SCUBE1: variants seen among roughly 807,000 people sequenced by gnomAD.
The protein encoded by SCUBE1 is signal peptide, CUB and EGF-like domain-containing protein 1.
Under a neutral mutation model 124.4 loss-of-function variants are expected in SCUBE1, and 59 were observed. The observed-to-expected ratio is 0.47, with a 90% CI of 0.38 to 0.59. SCUBE1 has a LOEUF of 0.59. Ranked by LOEUF, SCUBE1 falls within the 20% of genes least tolerant of loss-of-function variation. SCUBE1 has a pLI of 0.00. For missense variants in SCUBE1, 1,150 were observed against 1,371.2 expected (o/e 0.84, Z 2.55); for synonymous variants, 545 against 550.9 (o/e 0.99, Z 0.15).
chr22:43,317,023 A>T (rs774359506), intron 3 of SCUBE1: 2 of 152,210 alleles, frequency 1.3e-5, no homozygotes, highest in African/African-American at 2.4e-5. Flanking sequence ...ACCAGCTGGC[A>T]CAACAGAAGC....
chr22:43,307,508 A>C (rs1926014241), intron 3 of SCUBE1, among the ~76,000 whole-genome samples: 1 of 152,204 alleles, frequency 6.6e-6, no homozygotes, highest in African/African-American at 2.4e-5. Flanking sequence ...CACGGAAAAG[A>C]GCTGAGCTGC....
intron 6 of SCUBE1, among the ~76,000 whole-genome samples, chr22:43,250,672 G>A (rs571410002): frequency 7.4e-6 from 1 of 134,466 alleles, no homozygotes; most frequent in Non-Finnish European, 1.7e-5. Context: ...CTGCTCTCAG[G>A]GTGGCTGTGA....
chr22:43,217,392 G>A (rs2146663500), intron 15 of SCUBE1, among the ~76,000 whole-genome samples: 1 of 147,914 alleles, frequency 6.8e-6, no homozygotes, highest in East Asian at 2.0e-4. Context: ...TTGGGGATTT[G>A]GCCGGCGTCA....
At chr22:43,308,511 A>G (rs1324605967) in intron 3 of SCUBE1, among the ~76,000 whole-genome samples, 2 of 152,224 alleles carry the variant, frequency 1.3e-5, no homozygotes, top group African/African-American at 4.8e-5. Context: ...GTTGAAGTAT[A>G]AAGACAAATA....
At chr22:43,250,593 G>A (rs1331815348) in intron 6 of SCUBE1, among the ~76,000 whole-genome samples, 1 of 152,230 alleles carries the variant, frequency 6.6e-6, no homozygotes, top group African/African-American at 2.4e-5. Context: ...AGCAGCCTCA[G>A]GGGTGCGGGG....
chr22:43,279,731 C>T (rs988291234), intron 4 of SCUBE1, among the ~76,000 whole-genome samples: 38 of 152,222 alleles, frequency 2.5e-4, no homozygotes, highest in Non-Finnish European at 4.4e-5. Context: ...CAGCCCTCCA[C>T]GCACTGTCTG....
At position 43,200,783 on chromosome 22, in the gene SCUBE1, G is replaced by A. The variant is rs1447284882; in HGVS notation, c.*3214C>T. 2 of 152,310 alleles carry A rather than the reference G, an allele frequency of 1.3e-5. No homozygotes were observed. Among genetic ancestry groups the A allele is most frequent in the African/African-American group, 2.4e-5 (1 of 41,470 alleles). The allele number at this position is 152,310 out of a possible 1,614,324, so 9.4% of individuals were successfully genotyped here. On this transcript the variant is annotated 3_prime_UTR_variant, in exon 22 of 22. Coordinates refer to ENST00000360835, the MANE Select transcript of SCUBE1 (RefSeq NM_173050.5). ...TGGGAGCTATAGAAGGGCTTGCGAGGGAAAGCAGGATGAAGGCTGGGCCTC... is the reference window on the plus strand; with the variant it reads ...TGGGAGCTATAGAAGGGCTTGCGAGAGAAAGCAGGATGAAGGCTGGGCCTC...
rs1178024633 is a variant in SCUBE1 at position 43,198,909 on chromosome 22, GT to G, written c.*5087del. 2.1e-5 allele frequency: 8 copies of G among 375,238 alleles called. No individual in the cohort carries two copies. The highest frequency in any genetic ancestry group is 1.7e-4 in the African/African-American group (8 of 47,258). The allele number at this position is 375,238 out of a possible 1,614,324, so 23.2% of individuals were successfully genotyped here. A position where few individuals can be genotyped will look rare whatever the true frequency, so the allele number is the denominator to read the frequency against. ...TGCTGTCTGCTTTCCGGGGCAGTTT[GT>G]CTGTCTGCTGTCTGGGGCAGTTTGT... is the stretch of plus-strand genomic sequence containing the variant. On this transcript the variant is annotated 3_prime_UTR_variant, in exon 22 of 22. Transcript: ENST00000360835.
intron 2 of SCUBE1, among the ~76,000 whole-genome samples, chr22:43,321,776 C>T (rs1926563595): frequency 6.6e-6 from 1 of 152,182 alleles, no homozygotes. Flanking sequence ...CAGGGCCTCA[C>T]TATGTTGCCA....
intron 4 of SCUBE1, among the ~76,000 whole-genome samples, chr22:43,279,516 A>G (rs1000724778): frequency 2.0e-5 from 3 of 152,268 alleles, no homozygotes; most frequent in African/African-American, 7.2e-5. Context: ...CCCTCACCAG[A>G]CAGTGAATCT....
chr22:43,275,102 G>A (rs1251339612), intron 4 of SCUBE1, among the ~76,000 whole-genome samples: 1 of 152,236 alleles, frequency 6.6e-6, no homozygotes, highest in Non-Finnish European at 1.5e-5. Context: ...GGCGAGGCTG[G>A]GCAGCGGGAG....
intron 16 of SCUBE1, 43 bp downstream of exon 16, chr22:43,214,047 G>GGGGCCCCCCCCC: frequency 1.4e-5 from 2 of 143,438 alleles, no homozygotes; most frequent in African/African-American, 5.5e-5. Flanking sequence ...AGGAGCCCCC[G>GGGGCCCCCCCCC]CCCACCCCCC....
chr22:43,211,368 G>A lies in SCUBE1; in HGVS notation c.2222-285C>T, dbSNP rs1053389949. 5.9e-5 allele frequency among the ~76,000 whole-genome samples: 9 copies of A among 152,226 alleles called. No homozygotes were observed. Among genetic ancestry groups the A allele is most frequent in the Middle Eastern group, 6.8e-3 (2 of 294 alleles). ...AGCCATTTTCAGGGAGAGCGGGGGC[G>A]ATGATGTGGCCGGAGGCGTGCGGGG... On this transcript the variant is annotated intron_variant, in intron 17 of 21. Coordinates refer to ENST00000360835, the MANE Select transcript of SCUBE1 (RefSeq NM_173050.5). This position sits in a 1 kb window ranked among gnomAD's most constrained non-coding sequence, Gnocchi z 4.5.
chr22:43,268,191 G>C lies in SCUBE1; in HGVS notation c.485-5346C>G, dbSNP rs544537786. ...CCCAACCCCAAGCCCCAGGCCCAGA[G>C]CAGGCTTCTGTGAGCCTGAGGGACG... is the stretch of plus-strand genomic sequence containing the variant. On this transcript the variant is annotated intron_variant, in intron 4 of 21. Coordinates refer to ENST00000360835, the MANE Select transcript of SCUBE1 (RefSeq NM_173050.5). Among the ~76,000 whole-genome samples, 8 of 152,372 alleles carry C rather than the reference G, an allele frequency of 5.3e-5. No homozygotes were observed. In the South Asian group the frequency reaches 8.3e-4, roughly 16 times the overall value.
intron 14 of SCUBE1, 77 bp downstream of exon 14, chr22:43,220,373 G>A: frequency 1.3e-6 from 2 of 1,513,138 alleles, no homozygotes; most frequent in Non-Finnish European, 1.8e-6. Flanking sequence ...TTCATGCCTG[G>A]CAGGCCCCCG....
rs201461416 is a variant in SCUBE1 at position 43,286,398 on chromosome 22, C to T, written c.484+4648G>A. On this transcript the variant is annotated intron_variant, in intron 4 of 21. Transcript: ENST00000360835. ...CGTTTCCTCTCACTTTGGTGCCTTCCACCAAGGCTGAGGCCAGCCCACAGG... is the reference window on the plus strand; with the variant it reads ...CGTTTCCTCTCACTTTGGTGCCTTCTACCAAGGCTGAGGCCAGCCCACAGG... Among the ~76,000 whole-genome samples the T allele has an allele frequency of 7.2e-5, 11 of 152,350 alleles. No individual in the cohort carries two copies. In the East Asian group the frequency reaches 1.9e-3, roughly 27 times the overall value.
At chr22:43,276,373 G>C (rs1354541267) in intron 4 of SCUBE1, among the ~76,000 whole-genome samples, 2 of 152,200 alleles carry the variant, frequency 1.3e-5, no homozygotes, top group African/African-American at 4.8e-5. Flanking sequence ...TGCTGAAAGA[G>C]TCTGGTGACA....
In SCUBE1 at chr22:43,210,373, G is replaced by A. The variant is rs1420848914; in HGVS notation, c.2384-133C>T. On this transcript the variant is annotated intron_variant, in intron 18 of 21. Coordinates refer to ENST00000360835, the MANE Select transcript of SCUBE1 (RefSeq NM_173050.5). This position sits in a 1 kb window ranked among gnomAD's most constrained non-coding sequence, Gnocchi z 4.5. The stretch of plus-strand genomic sequence containing the variant: ...CTTGTCCCCCCCCACACTAGCCCTC[G>A]GACCCTGAGCCCATCCTCCTTGGGG... 9.5e-6 allele frequency: 7 copies of A among 733,522 alleles called. No individual in the cohort carries two copies. The highest frequency in any genetic ancestry group is 3.5e-5 in the Admixed American group (1 of 28,664). 45.4% of individuals were successfully genotyped at this position (733,522 alleles called of 1,614,324 possible).
At chr22:43,293,104 C>T (rs1252593250) in intron 3 of SCUBE1, among the ~76,000 whole-genome samples, 1 of 152,158 alleles carries the variant, frequency 6.6e-6, no homozygotes, top group Non-Finnish European at 1.5e-5. Flanking sequence ...GGCGAGTGGT[C>T]GCCTCCCTCC....
Sources: allele counts gnomAD v4.1 joint callset (sites outside exome capture counted in the v4.1 genomes callset), GRCh38; gene constraint gnomAD v4.1.1; non-coding constraint Gnocchi (gnomAD v3.1); transcripts MANE v1.5; gene names NCBI Gene and HGNC (gene_info 2026-07-23, HGNC 2026-07-21).